SCD5: variants seen among roughly 807,000 people sequenced by gnomAD.
The protein encoded by SCD5 is acyl-CoA-desaturase 4.
Under a neutral mutation model 30.4 loss-of-function variants are expected in SCD5, and 20 were observed. The observed-to-expected ratio is 0.66, with a 90% CI of 0.46 to 0.96. SCD5 has a LOEUF of 0.96. SCD5 is among the 40% of genes least tolerant of loss of function. The probability of loss-of-function intolerance (pLI) is 0.00; values close to 1 mark genes in which losing one functional copy is unlikely to be tolerated. For synonymous variants in SCD5, 173 were observed against 176.4 expected, an observed-to-expected ratio of 0.98 and a Z score of 0.16; for missense variants, 381 against 443.3, an observed-to-expected ratio of 0.86 and a Z score of 1.26.
At position 82,727,784 on chromosome 4, in the gene SCD5, T is replaced by C. The variant is rs1336474753; in HGVS notation, c.233-22371A>G. Among the ~76,000 whole-genome samples the C allele has an allele frequency of 3.3e-5, 5 of 152,222 alleles. No homozygotes were observed. In the East Asian group the frequency reaches 9.6e-4, roughly 29 times the overall value. On this transcript the variant is annotated intron_variant, in intron 1 of 4. Transcript: ENST00000319540. The stretch of plus-strand genomic sequence containing the variant: ...TGCAGTGACCGCGATCTCGGTTCAC[T>C]GCAACCTCCTCCTCTTGGATTCAAG...
chr4:82,679,650 G>T (rs913521260), intron 3 of SCD5, among the ~76,000 whole-genome samples: 1 of 152,214 alleles, frequency 6.6e-6, no homozygotes, highest in Admixed American at 6.5e-5. Context: ...TTGCTAGTAA[G>T]TGGAGGAGTC....
At chr4:82,793,880 T>TG (rs1253012686) in intron 1 of SCD5, among the ~76,000 whole-genome samples, 1 of 152,012 alleles carries the variant, frequency 6.6e-6, no homozygotes, top group Non-Finnish European at 1.5e-5. Context: ...TAGAAAACCT[T>TG]GGGGCAAGAC....
intron 1 of SCD5, among the ~76,000 whole-genome samples, chr4:82,796,956 T>C (rs1174588297): frequency 1.3e-5 from 2 of 152,112 alleles, no homozygotes. Flanking sequence ...TCCCAGAGCT[T>C]TGGGGAGACT....
chr4:82,795,700 T>C (rs1216051939), intron 1 of SCD5, among the ~76,000 whole-genome samples: 1 of 149,636 alleles, frequency 6.7e-6, no homozygotes, highest in African/African-American at 2.5e-5. Flanking sequence ...TGCACACCTG[T>C]AGTCCCAGCT....
At chr4:82,793,253 C>CA (rs1476257913) in intron 1 of SCD5, among the ~76,000 whole-genome samples, 1 of 152,124 alleles carries the variant, frequency 6.6e-6, no homozygotes, top group Non-Finnish European at 1.5e-5. Flanking sequence ...CTAAGAGATT[C>CA]AAAGAAATGA....
At chr4:82,640,576 A>C (rs1390987149) in intron 3 of SCD5, among the ~76,000 whole-genome samples, 1 of 152,186 alleles carries the variant, frequency 6.6e-6, no homozygotes, top group Non-Finnish European at 1.5e-5. Context: ...ATGGGTCTGG[A>C]TGCTGAACAC....
chr4:82,765,847 T>C (rs771766807), intron 1 of SCD5, among the ~76,000 whole-genome samples: 1 of 152,192 alleles, frequency 6.6e-6, no homozygotes, highest in Non-Finnish European at 1.5e-5. Context: ...CTCATACTCC[T>C]GGCCTCAAGT....
intron 1 of SCD5, among the ~76,000 whole-genome samples, chr4:82,755,656 T>C (rs1408740548): frequency 6.6e-6 from 1 of 152,170 alleles, no homozygotes; most frequent in Non-Finnish European, 1.5e-5. Flanking sequence ...TCAAAAAGGA[T>C]GGCTTAACAC....
At chr4:82,677,511 C>T (rs1728461751) in intron 3 of SCD5, among the ~76,000 whole-genome samples, 1 of 152,204 alleles carries the variant, frequency 6.6e-6, no homozygotes, top group South Asian at 2.1e-4. Flanking sequence ...GAGGACTCTC[C>T]TCTCCACCGT....
intron 2 of SCD5, among the ~76,000 whole-genome samples, chr4:82,703,426 A>T (rs1358621385): frequency 6.6e-6 from 1 of 152,186 alleles, no homozygotes; most frequent in Non-Finnish European, 1.5e-5. Context: ...CTTTTTATTC[A>T]TTATTTTATC....
intron 3 of SCD5, among the ~76,000 whole-genome samples, chr4:82,664,320 G>A (rs1728117029): frequency 6.6e-6 from 1 of 152,124 alleles, no homozygotes; most frequent in African/African-American, 2.4e-5. Flanking sequence ...CACACATACT[G>A]AAGGTCTGAA....
intron 3 of SCD5, among the ~76,000 whole-genome samples, chr4:82,649,545 A>G (rs1727702724): frequency 6.6e-6 from 1 of 152,178 alleles, no homozygotes; most frequent in African/African-American, 2.4e-5. Context: ...CACCACTGAC[A>G]GGATTCTGTG....
chr4:82,714,106 C>T lies in SCD5; in HGVS notation c.233-8693G>A, dbSNP rs61589600. ...GTCTGCCTGTCTGTATCATCAACAC[C>T]GCCCCACATACTTACATTATTCCCA... is the stretch of plus-strand genomic sequence containing the variant. On this transcript the variant is annotated intron_variant, in intron 1 of 4. Transcript: ENST00000319540. Among the ~76,000 whole-genome samples, 389 of 152,268 alleles carry T rather than the reference C, an allele frequency of 2.6e-3. 3 individuals carry two copies. The highest frequency in any genetic ancestry group is 8.9e-3 in the African/African-American group (368 of 41,544).
At chr4:82,637,443 C>T (rs1042280341) in intron 3 of SCD5, among the ~76,000 whole-genome samples, 1 of 152,204 alleles carries the variant, frequency 6.6e-6, no homozygotes, top group African/African-American at 2.4e-5. Flanking sequence ...GAGTTCTGGA[C>T]CTATGTACCC....
At chr4:82,712,267 TATATATATATATATATATATATA>T (rs1720113965) in intron 1 of SCD5, among the ~76,000 whole-genome samples, 2 of 46,200 alleles carry the variant, frequency 4.3e-5, no homozygotes, top group African/African-American at 2.8e-4. Context: ...TATATATATA[TATATATATATATATATATATATA>T]TATATATTTT....
intron 1 of SCD5, among the ~76,000 whole-genome samples, chr4:82,769,072 A>C (rs1211607199): frequency 6.6e-6 from 1 of 152,000 alleles, no homozygotes; most frequent in Non-Finnish European, 1.5e-5. Flanking sequence ...CATTCTCCTC[A>C]ACTCACCATC....
intron 1 of SCD5, chr4:82,776,007 C>T (rs7681220): frequency 0.2 from 30,917 of 152,548 alleles, 4,178 homozygotes; most frequent in African/African-American, 0.38. Context: ...GTCAGGACTT[C>T]ATCTCATGAA....
chr4:82,719,508 C>CTTTTT (rs10635133), intron 1 of SCD5, among the ~76,000 whole-genome samples: 1 of 142,226 alleles, frequency 7.0e-6, no homozygotes, highest in African/African-American at 2.7e-5. Context: ...ATATGATTTT[C>CTTTTT]TTTTTTTTTT....
At chr4:82,744,399 C>A (rs1720942357) in intron 1 of SCD5, among the ~76,000 whole-genome samples, 1 of 152,164 alleles carries the variant, frequency 6.6e-6, no homozygotes, top group Non-Finnish European at 1.5e-5. Context: ...TCATTTAGGA[C>A]ACAGCAGTTA....
Sources: gnomAD v4.1 joint callset for allele counts (sites outside exome capture counted in the v4.1 genomes callset) on GRCh38, gnomAD v4.1.1 for gene constraint, MANE v1.5 for transcripts, NCBI Gene and HGNC (gene_info 2026-07-23, HGNC 2026-07-21) for gene names.